RNF157: variants seen among roughly 807,000 people sequenced by gnomAD.
The protein encoded by RNF157 is E3 ubiquitin ligase RNF157.
Under a neutral mutation model 88.3 loss-of-function variants are expected in RNF157, and 55 were observed. The observed-to-expected ratio is 0.62, with a 90% confidence interval of 0.50 to 0.78. The LOEUF (loss-of-function observed/expected upper bound fraction) is 0.78, where lower values mean the gene tolerates loss of function less well. Ranked by LOEUF, RNF157 falls within the 30% of genes least tolerant of loss-of-function variation. The pLI is 0.00. For synonymous variants in RNF157, 334 were observed against 341.2 expected (o/e 0.98, Z 0.23); for missense variants, 788 against 860.8 (o/e 0.92, Z 1.06).
intron 2 of RNF157, among the ~76,000 whole-genome samples, chr17:76,177,117 C>T (rs866630756): frequency 1.6e-4 from 24 of 152,256 alleles, no homozygotes; most frequent in African/African-American, 3.8e-4. Flanking sequence ...TGTCACCCTG[C>T]CCTGGACACT....
At chr17:76,173,186 T>C (rs2069046519) in intron 3 of RNF157, among the ~76,000 whole-genome samples, 1 of 151,602 alleles carries the variant, frequency 6.6e-6, no homozygotes, top group African/African-American at 2.4e-5. Flanking sequence ...CTCGGGAGGC[T>C]GAGGCAGGAG....
intron 1 of RNF157, among the ~76,000 whole-genome samples, chr17:76,233,074 C>T (rs907735179): frequency 6.6e-6 from 1 of 152,166 alleles, no homozygotes; most frequent in Non-Finnish European, 1.5e-5. Flanking sequence ...GTACCGGCCA[C>T]CACGCCCAGC....
At chr17:76,186,940 AAAAT>A (rs201615839) in intron 2 of RNF157, among the ~76,000 whole-genome samples, 15,969 of 140,758 alleles carry the variant, frequency 0.11, 996 homozygotes, top group African/African-American at 0.17. Flanking sequence ...ACTCCGACTC[AAAAT>A]AAATAAATAA....
chr17:76,167,307 C>T (rs541758793), intron 4 of RNF157, among the ~76,000 whole-genome samples, 181 bp from the exon 5 acceptor site: 1 of 152,324 alleles, frequency 6.6e-6, no homozygotes, highest in South Asian at 2.1e-4. Context: ...ATTCAACCCA[C>T]ACATCCAAAG....
intron 1 of RNF157, among the ~76,000 whole-genome samples, chr17:76,231,520 A>G (rs2070193127): frequency 6.6e-6 from 1 of 151,896 alleles, no homozygotes; most frequent in Non-Finnish European, 1.5e-5. Context: ...CTGGTCTCAA[A>G]CTCCTAACCT....
chr17:76,229,357 AATT>A (rs2070149465), intron 1 of RNF157, among the ~76,000 whole-genome samples: 2 of 152,206 alleles, frequency 1.3e-5, no homozygotes, highest in African/African-American at 4.8e-5. Context: ...ACCCAGGACA[AATT>A]ATTTAAACTT....
In RNF157 at chr17:76,146,340, G is replaced by A; in HGVS notation, c.1922-987C>T. 3 of 985,292 alleles carry A rather than the reference G, an allele frequency of 3.0e-6. No individual in the cohort carries two copies. Among genetic ancestry groups the A allele is most frequent in the Non-Finnish European group, 3.6e-6 (3 of 829,820 alleles). 61.0% of individuals were successfully genotyped at this position (985,292 alleles called of 1,614,324 possible). On this transcript the variant is annotated intron_variant, in intron 18 of 18. Transcript: ENST00000269391. This position sits in a 1 kb window ranked among gnomAD's most constrained non-coding sequence, Gnocchi z 4.2. ...TAGATGAGAGAATGCGAGCGTTGGT[G>A]AGTATCTGACTCCTAGAATAGCCTG...
intron 4 of RNF157, 43 bp downstream of exon 4, chr17:76,167,608 A>G: frequency 6.2e-7 from 1 of 1,612,642 alleles, no homozygotes; most frequent in Non-Finnish European, 8.5e-7. Context: ...TGGCCTGGTA[A>G]TAATCTGGGA....
chr17:76,155,127 G>T, intron 16 of RNF157, 125 bp downstream of exon 16: 2 of 779,422 alleles, frequency 2.6e-6, no homozygotes, highest in Non-Finnish European at 2.2e-6. Context: ...ACTGATCTAG[G>T]CATGTCCCCT....
rs767623919 is a variant in RNF157, at chr17:76,145,265, C to T, written c.2010G>A (p.Arg670=). Residue 670 remains arginine, a synonymous_variant, in exon 19 of 19, where the codon AGG becomes AGA. Coordinates refer to ENST00000269391, the MANE Select transcript of RNF157 (RefSeq NM_052916.3). ...SSSSLEDSET[R]PCVWGPLAV Reference sequence around the variant, plus strand: ...CAGCCAAAGGGCCCCACACACAGGGCCTCGTCTCAGAGTCCTCCAGGCTGC... The same window carrying T: ...CAGCCAAAGGGCCCCACACACAGGGTCTCGTCTCAGAGTCCTCCAGGCTGC... The T allele has an allele frequency of 6.2e-7, 1 of 1,607,386 alleles. No individual in the cohort carries two copies. The highest frequency in any genetic ancestry group is 1.1e-5 in the South Asian group (1 of 89,740).
chr17:76,236,367 C>A (rs1016846059), intron 1 of RNF157, among the ~76,000 whole-genome samples: 12 of 152,196 alleles, frequency 7.9e-5, no homozygotes, highest in African/African-American at 2.9e-4. Context: ...CTTTTATCAA[C>A]GTGGATACTT....
intron 2 of RNF157, among the ~76,000 whole-genome samples, chr17:76,174,743 C>T (rs2069076304): frequency 1.3e-5 from 2 of 152,180 alleles, no homozygotes; most frequent in Admixed American, 1.3e-4. Flanking sequence ...GGTTATTTTA[C>T]TTGGGAAACA....
intron 2 of RNF157, among the ~76,000 whole-genome samples, chr17:76,184,504 T>C (rs1323535830): frequency 6.6e-6 from 1 of 152,216 alleles, no homozygotes; most frequent in Non-Finnish European, 1.5e-5. Flanking sequence ...AGCTTCGTAT[T>C]TGCTTGAATG....
chr17:76,218,951 T>A (rs981898263), intron 1 of RNF157, among the ~76,000 whole-genome samples: 5 of 150,402 alleles, frequency 3.3e-5, no homozygotes, highest in African/African-American at 1.2e-4. Flanking sequence ...TAAAAAAAAA[T>A]AAAAAATAAA....
chr17:76,216,931 C>T (rs2145038748), intron 1 of RNF157, among the ~76,000 whole-genome samples: 1 of 151,616 alleles, frequency 6.6e-6, no homozygotes, highest in South Asian at 2.1e-4. Flanking sequence ...AACAAACAAA[C>T]AAAAAACCCC....
intron 1 of RNF157, among the ~76,000 whole-genome samples, chr17:76,214,202 G>A (rs2069850383): frequency 6.6e-6 from 1 of 152,104 alleles, no homozygotes; most frequent in Non-Finnish European, 1.5e-5. Flanking sequence ...TCTTCAAGTA[G>A]TATCAGAAGT....
At chr17:76,162,662 C>A in intron 8 of RNF157, 39 bp from the exon 9 acceptor site, 8 of 1,479,706 alleles carry the variant, frequency 5.4e-6, no homozygotes, top group Non-Finnish European at 7.4e-6. Context: ...CAGGCTGTCT[C>A]TACTGAGAGA....
chr17:76,239,986 G>A (rs2070350420), intron 1 of RNF157, among the ~76,000 whole-genome samples, 167 bp downstream of exon 1: 1 of 152,148 alleles, frequency 6.6e-6, no homozygotes. Flanking sequence ...CCCGGGGCGG[G>A]GGAGACCTCG....
At chr17:76,218,805 G>A (rs567106712) in intron 1 of RNF157, among the ~76,000 whole-genome samples, 27 of 152,136 alleles carry the variant, frequency 1.8e-4, no homozygotes, top group African/African-American at 6.3e-4. Context: ...GTGATGGCAT[G>A]TGTCTGTAGT....
Sources: allele counts gnomAD v4.1 joint callset (sites outside exome capture counted in the v4.1 genomes callset), GRCh38; gene constraint gnomAD v4.1.1; non-coding constraint Gnocchi (gnomAD v3.1); transcripts MANE v1.5; gene names NCBI Gene and HGNC (gene_info 2026-07-23, HGNC 2026-07-21).